The following POLD1 variants were observed in gnomAD, a reference collection of about 807,000 sequenced individuals.
The protein encoded by POLD1 is DNA polymerase delta 1, catalytic subunit.
POLD1 carries 79 observed loss-of-function variants against 129.7 expected under a neutral mutation model. The ratio of observed to expected loss-of-function variants is 0.61; its 90% CI spans 0.51 to 0.73. The LOEUF (loss-of-function observed/expected upper bound fraction) is 0.73. POLD1 is among the 30% of genes least tolerant of loss of function. POLD1 has a pLI of 0.00. For synonymous variants in POLD1, 714 were observed against 683.3 expected, an observed-to-expected ratio of 1.04 and a Z score of -0.70; for missense variants, 1,338 against 1,595.8, an observed-to-expected ratio of 0.84 and a Z score of 2.75.
chr19:50,395,506 C>A (rs12327726), intron 1 of POLD1, among the ~76,000 whole-genome samples: 20,217 of 151,652 alleles, frequency 0.13, 1,731 homozygotes, highest in African/African-American at 0.24. Context: ...ATGGCGTGAA[C>A]CCGGGAGGCG....
Position 50,413,820 on chromosome 19 carries a change from G to C in POLD1, c.2329G>C (p.Glu777Gln), listed in dbSNP as rs1487474161. 1 of 1,612,496 alleles carries C rather than the reference G, an allele frequency of 6.2e-7. No individual in the cohort carries two copies. Among genetic ancestry groups the C allele is most frequent in the Non-Finnish European group, 8.5e-7 (1 of 1,179,514 alleles). The change falls in exon 19 of 27, where the codon GAG becomes CAG. Residue 777 changes from glutamate (E) to glutamine (Q), a missense_variant. Physicochemically the swap from Glu to Gln is conservative, Grantham distance 29. Coordinates refer to ENST00000440232, the MANE Select transcript of POLD1 (RefSeq NM_002691.4). ...SVAEAMALGR[E>Q]AADWVSGHFP... is the part of the protein sequence containing the mutation. ...GGCTGAGGCGATGGCCCTGGGGCGG[G>C]AGGCCGCGGACTGGGTGTCAGGTCA...
In POLD1 at chr19:50,405,959, ACT is replaced by A. The variant is rs55784161; in HGVS notation, c.1243-219_1243-218del. On this transcript the variant is annotated intron_variant, in intron 10 of 26. Transcript: ENST00000440232. ...GGCCCCCAGTCCATCAGGGCCCCTG[ACT>A]CTCGCTATCCCAGCCTTGGCTGCAG... 2.3e-3 allele frequency among the ~76,000 whole-genome samples: 347 copies of A among 151,178 alleles called. 10 individuals carry two copies. In the East Asian group the frequency reaches 0.06, roughly 26 times the overall value.
At position 50,402,230 on chromosome 19, in the gene POLD1, C is replaced by A. The variant is rs947109063; in HGVS notation, c.615C>A (p.Gly205=). The A allele has an allele frequency of 3.8e-6, 6 of 1,589,314 alleles. No individual in the cohort carries two copies. The highest frequency in any genetic ancestry group is 1.2e-5 in the South Asian group (1 of 86,852). The stretch of plus-strand genomic sequence containing the variant: ...GCATGTTTGGGTACCACGGGCACGG[C>A]CCCTCCCCGTTCCTGCGCATCACCG... The part of the protein sequence containing the change: ...RESMFGYHGH[G]PSPFLRITVA... The change falls in exon 6 of 27, where the codon GGC becomes GGA. Residue 205 remains glycine (G), a synonymous_variant. Coordinates refer to ENST00000440232, the MANE Select transcript of POLD1 (RefSeq NM_002691.4).
intron 10 of POLD1, among the ~76,000 whole-genome samples, chr19:50,405,329 G>A (rs1380852194): frequency 6.6e-6 from 1 of 152,210 alleles, no homozygotes. Context: ...CTGAGGTGCC[G>A]GGGGTTAGGG....
intron 14 of POLD1, 56 bp from the exon 15 acceptor site, chr19:50,408,729 G>A: frequency 6.3e-7 from 1 of 1,598,734 alleles, no homozygotes; most frequent in Non-Finnish European, 8.5e-7. Flanking sequence ...AGACAGGGCG[G>A]GGGCGGCATG....
rs1266748123 is a variant in POLD1, at chr19:50,406,164, C to T, written c.1243-18C>T. On this transcript the variant is annotated intron_variant, in intron 10 of 26. Transcript: ENST00000440232. This position sits in a 1 kb window ranked among gnomAD's most constrained non-coding sequence, Gnocchi z 5.5. ...CGGGGACCCGCAGCCTGCTGCACAC[C>T]CTGCCTCTCCTCCTCAGGTACAAAC... 6.2e-7 allele frequency: 1 copy of T among 1,608,800 alleles called. No homozygotes were observed. The highest frequency in any genetic ancestry group is 8.5e-7 in the Non-Finnish European group (1 of 1,176,310).
Position 50,401,803 on chromosome 19 carries a change from G to C in POLD1, c.342G>C (p.Gly114=), listed in dbSNP as rs746973225. 1.2e-6 allele frequency: 2 copies of C among 1,612,932 alleles called. No homozygotes were observed. Among genetic ancestry groups the C allele is most frequent in the Admixed American group, 1.7e-5 (1 of 59,984 alleles). The change falls in exon 4 of 27, where the codon GGG becomes GGC. Residue 114 remains glycine, a synonymous_variant. Transcript: ENST00000440232. ...YVGPAQPVPG[G]PPPSRGSVPV... ...GCCCAGCGCAGCCTGTGCCTGGGGG[G>C]CCCCCACCATCCCGCGGCTCCGTGC...
In POLD1 at chr19:50,404,344, A is replaced by C. The variant is rs10426434; in HGVS notation, c.1242+747A>C. Among the ~76,000 whole-genome samples the C allele has an allele frequency of 5.0e-3, 695 of 138,138 alleles. 7 individuals carry two copies. Among genetic ancestry groups the C allele is most frequent in the African/African-American group, 0.019 (653 of 34,396 alleles). The allele number at this position is 138,138 out of a possible 152,430, so 90.6% of individuals were successfully genotyped here. The stretch of plus-strand genomic sequence containing the variant: ...GTGGCGCAATCTTGGCTCACTGCAA[A>C]CTCCGCCTCCCAGGTTCATGCCATT... On this transcript the variant is annotated intron_variant, in intron 10 of 26. Transcript: ENST00000440232.
intron 20 of POLD1, among the ~76,000 whole-genome samples, 173 bp from the exon 21 acceptor site, chr19:50,415,240 AGTGGAAAGAGTCGGCTTGGGCAGCT>A (rs2039235624): frequency 6.6e-6 from 1 of 152,042 alleles, no homozygotes; most frequent in African/African-American, 2.4e-5. Context: ...GTGGTGAAGC[AGTGGAAAGAGTCGGCTTGGGCAGCT>A]GTGGGTTCAG....
At chr19:50,387,315 G>A (rs765219820) in intron 1 of POLD1, among the ~76,000 whole-genome samples, 2 of 152,102 alleles carry the variant, frequency 1.3e-5, no homozygotes, top group African/African-American at 2.4e-5. Context: ...TGTGAGATTG[G>A]GCAAGATTGG....
chr19:50,410,428 G>A (rs958174268), intron 17 of POLD1, among the ~76,000 whole-genome samples: 8 of 152,104 alleles, frequency 5.3e-5, no homozygotes, highest in Non-Finnish European at 1.2e-4. Context: ...CTGGGTGGAA[G>A]GCTTGGATGA....
intron 10 of POLD1, among the ~76,000 whole-genome samples, chr19:50,405,306 A>G (rs954283790): frequency 6.6e-6 from 1 of 152,188 alleles, no homozygotes; most frequent in Non-Finnish European, 1.5e-5. Flanking sequence ...ATATTTCCAA[A>G]TGAGGTTACA....
rs772953240 is a variant in POLD1, at chr19:50,408,895, A to T, written c.1886A>T (p.Lys629Ile). 4 of 1,610,552 alleles carry T rather than the reference A, an allele frequency of 2.5e-6. No homozygotes were observed. The highest frequency in any genetic ancestry group is 2.5e-6 in the Non-Finnish European group (3 of 1,178,330). Residue 629 changes from lysine to isoleucine, a missense_variant, in exon 15 of 27, where the codon AAA becomes ATA. This residue lies in a region of POLD1 where 720 missense variants were observed against 1,002.6 expected (regional missense o/e 0.72). Transcript: ENST00000440232. ...TTLLRPGTAQ[K>I]LGLTEDQFIR... ...CTCCTTCGGCCCGGGACTGCACAGA[A>T]ACTGGGGTATAGTGCCCAATTCAGC...
At position 50,406,416 on chromosome 19, in the gene POLD1, C is replaced by T. The variant is rs771858429; in HGVS notation, c.1393C>T (p.Arg465Trp). ...VQMDMLQVLL[R>W]EYKLRSYTLN... is the part of the protein sequence containing the mutation. ...CCACCCACCCACCTAGGTGCTGCTG[C>T]GGGAGTACAAGCTCCGCTCCTACAC... The change falls in exon 12 of 27, where the codon CGG (arginine) becomes TGG (tryptophan). Residue 465 changes from arginine (R) to tryptophan (W), a missense_variant. Transcript: ENST00000440232. The surrounding 1 kb of genome is among the most constrained non-coding windows in gnomAD (Gnocchi z 5.5). The T allele has an allele frequency of 4.4e-6, 7 of 1,602,926 alleles. No individual in the cohort carries two copies. The highest frequency in any genetic ancestry group is 1.1e-5 in the South Asian group (1 of 90,010).
chr19:50,406,080 T>C lies in POLD1; in HGVS notation c.1243-102T>C. 1 of 1,441,576 alleles carries C rather than the reference T, an allele frequency of 6.9e-7. No homozygotes were observed. The highest frequency in any genetic ancestry group is 9.5e-7 in the Non-Finnish European group (1 of 1,051,278). 89.3% of individuals were successfully genotyped at this position (1,441,576 alleles called of 1,614,324 possible). On this transcript the variant is annotated intron_variant, in intron 10 of 26. Transcript: ENST00000440232. The surrounding 1 kb of genome is among the most constrained non-coding windows in gnomAD (Gnocchi z 5.5). ...GCCCCCAGGGTTGCTCTCGACCCCC[T>C]AGGGTTGTTATAAGGATGTTGTGGT...
chr19:50,415,255 C>T (rs557814131), intron 20 of POLD1, among the ~76,000 whole-genome samples, 183 bp from the exon 21 acceptor site: 62 of 152,282 alleles, frequency 4.1e-4, no homozygotes, highest in African/African-American at 1.5e-3. Flanking sequence ...AAAGAGTCGG[C>T]TTGGGCAGCT....
At chr19:50,408,595 C>T in intron 14 of POLD1, 190 bp from the exon 15 acceptor site, 1 of 850,814 alleles carries the variant, frequency 1.2e-6, no homozygotes, top group East Asian at 2.6e-5. Flanking sequence ...GTTGCCCAGG[C>T]TGATCTGAAA....
At chr19:50,395,638 C>A (rs906910785) in intron 1 of POLD1, among the ~76,000 whole-genome samples, 1 of 151,886 alleles carries the variant, frequency 6.6e-6, no homozygotes, top group Non-Finnish European at 1.5e-5. Context: ...GCCCAGATCA[C>A]CTGTTTCAAC....
intron 1 of POLD1, among the ~76,000 whole-genome samples, chr19:50,398,604 G>T (rs1300268296): frequency 6.8e-6 from 1 of 147,876 alleles, no homozygotes; most frequent in African/African-American, 2.5e-5. Flanking sequence ...CAAGAGATGT[G>T]CTAAGGACCT....
Sources: allele counts gnomAD v4.1 joint callset (sites outside exome capture counted in the v4.1 genomes callset), GRCh38; gene constraint gnomAD v4.1.1; regional missense constraint gnomAD v4.1.1; non-coding constraint Gnocchi (gnomAD v3.1); transcripts MANE v1.5; gene names NCBI Gene and HGNC (gene_info 2026-07-23, HGNC 2026-07-21).